VPS8: variants seen among roughly 807,000 people sequenced by gnomAD.
VPS8 encodes the protein VPS8 subunit of CORVET complex, also known as vacuolar protein sorting-associated protein 8 homolog.
A neutral mutation model predicts 216.4 loss-of-function variants in VPS8; 129 were observed. The ratio of observed to expected loss-of-function variants is 0.60; its 90% CI spans 0.52 to 0.69. The LOEUF (loss-of-function observed/expected upper bound fraction) is 0.69. VPS8 is among the 30% of genes least tolerant of loss of function. The pLI, the probability that VPS8 is intolerant of heterozygous loss-of-function variation, is 0.00. For missense variants in VPS8, 1,531 were observed against 1,683.5 expected, an observed-to-expected ratio of 0.91 and a Z score of 1.59; for synonymous variants, 571 against 565.4, an observed-to-expected ratio of 1.01 and a Z score of -0.14.
At chr3:184,942,738 T>G (rs550070387) in intron 36 of VPS8, among the ~76,000 whole-genome samples, 2 of 152,222 alleles carry the variant, frequency 1.3e-5, no homozygotes, top group African/African-American at 4.8e-5. Flanking sequence ...TAGATTATGC[T>G]CTAAACTTAT....
At chr3:184,941,048 C>T (rs1742591662) in intron 36 of VPS8, among the ~76,000 whole-genome samples, 1 of 152,160 alleles carries the variant, frequency 6.6e-6, no homozygotes, top group Admixed American at 6.5e-5. Context: ...GTGTAATTTT[C>T]CAAGATGACA....
chr3:185,032,393 A>G (rs1157814853), intron 46 of VPS8, among the ~76,000 whole-genome samples: 1 of 152,184 alleles, frequency 6.6e-6, no homozygotes, highest in Non-Finnish European at 1.5e-5. Flanking sequence ...TCACACAGAA[A>G]GGAAATTTAT....
intron 36 of VPS8, among the ~76,000 whole-genome samples, chr3:184,947,126 G>A (rs180986403): frequency 1.3e-5 from 2 of 152,278 alleles, no homozygotes; most frequent in South Asian, 2.1e-4. Context: ...CCCAGATTCC[G>A]CTGGTACCTG....
chr3:184,825,191 CT>C (rs536900315), intron 2 of VPS8: 77 of 196,276 alleles, frequency 3.9e-4, no homozygotes, highest in African/African-American at 1.7e-3. Context: ...GATAACATTA[CT>C]CTTCATTTGT....
intron 16 of VPS8, among the ~76,000 whole-genome samples, chr3:184,865,848 C>G (rs1380343817): frequency 6.6e-6 from 1 of 152,010 alleles, no homozygotes; most frequent in Non-Finnish European, 1.5e-5. Context: ...ATTAGCTAGA[C>G]TTGGTGCTAG....
chr3:184,828,981 T>C (rs1290210766), intron 3 of VPS8, among the ~76,000 whole-genome samples: 1 of 152,246 alleles, frequency 6.6e-6, no homozygotes, highest in African/African-American at 2.4e-5. Flanking sequence ...AATGGAATTA[T>C]ATAGTGTGTA....
At chr3:185,008,144 TTATAAA>T (rs1033202508) in intron 45 of VPS8, among the ~76,000 whole-genome samples, 4 of 152,154 alleles carry the variant, frequency 2.6e-5, no homozygotes, top group African/African-American at 9.7e-5. Context: ...AACATTAAAC[TTATAAA>T]TTAAATGAAG....
chr3:184,848,718 G>A (rs1723657879), intron 8 of VPS8, among the ~76,000 whole-genome samples: 1 of 151,846 alleles, frequency 6.6e-6, no homozygotes, highest in Admixed American at 6.6e-5. Flanking sequence ...ACAGGCGTGG[G>A]CCACCATGCC....
chr3:185,048,721 C>T (rs1348392369), intron 47 of VPS8, among the ~76,000 whole-genome samples, 162 bp downstream of exon 47: 1 of 152,170 alleles, frequency 6.6e-6, no homozygotes, highest in African/African-American at 2.4e-5. Context: ...CCCCAAGGAG[C>T]ACTCAGAGCT....
chr3:184,924,799 A>T lies in VPS8; in HGVS notation c.2455-63A>T, dbSNP rs75182677. 2.6e-5 allele frequency: 33 copies of T among 1,263,800 alleles called. No homozygotes were observed. The highest frequency in any genetic ancestry group is 6.3e-5 in the South Asian group (4 of 63,794). The allele number at this position is 1,263,800 out of a possible 1,614,324, so 78.3% of individuals were successfully genotyped here. On this transcript the variant is annotated intron_variant, in intron 29 of 47. Coordinates refer to ENST00000625842, the MANE Select transcript of VPS8 (RefSeq NM_001009921.3). Reference sequence around the variant, plus strand: ...TGAGGCTATCCCGTCTTCTAATTGTATTTTTTTTTTTTTGCATCAAACCAA... The same window carrying T: ...TGAGGCTATCCCGTCTTCTAATTGTTTTTTTTTTTTTTTGCATCAAACCAA...
intron 1 of VPS8, among the ~76,000 whole-genome samples, chr3:184,822,405 T>C (rs6777268): frequency 3.7e-4 from 57 of 152,360 alleles, no homozygotes; most frequent in African/African-American, 1.4e-3. Context: ...TCACAGATGC[T>C]GAATTGTTAC....
intron 28 of VPS8, among the ~76,000 whole-genome samples, chr3:184,918,315 C>G (rs1737975447): frequency 6.6e-6 from 1 of 152,178 alleles, no homozygotes; most frequent in African/African-American, 2.4e-5. Flanking sequence ...TTTTGAAGTA[C>G]TACAAAAATA....
intron 46 of VPS8, among the ~76,000 whole-genome samples, chr3:185,039,966 G>C (rs948711513): frequency 2.0e-5 from 3 of 152,098 alleles, no homozygotes; most frequent in Non-Finnish European, 4.4e-5. Flanking sequence ...TCTGTTAGTC[G>C]TAGATTGTTT....
intron 2 of VPS8, 79 bp downstream of exon 2, chr3:184,824,864 A>G (rs1227827975): frequency 1.4e-6 from 2 of 1,390,134 alleles, no homozygotes; most frequent in South Asian, 1.3e-5. Flanking sequence ...AGAGACTCTA[A>G]GTCTGTCATT....
intron 5 of VPS8, 103 bp downstream of exon 5, chr3:184,834,845 T>A: frequency 1.2e-6 from 1 of 839,232 alleles, no homozygotes; most frequent in African/African-American, 1.7e-5. Context: ...GCCCGAGGCT[T>A]AAGAAAAATA....
At chr3:184,894,035 T>G (rs1011201390) in intron 22 of VPS8, among the ~76,000 whole-genome samples, 4 of 152,226 alleles carry the variant, frequency 2.6e-5, no homozygotes, top group African/African-American at 7.2e-5. Flanking sequence ...TCGAGGTTGT[T>G]GACATTTAAA....
In VPS8 at chr3:184,915,436, C is replaced by T; in HGVS notation, c.2344C>T (p.His782Tyr). Residue 782 changes from histidine (H) to tyrosine (Y), a missense_variant, in exon 28 of 48, where the codon CAT (histidine) becomes TAT (tyrosine). Physicochemically the swap from His to Tyr is moderately conservative, Grantham distance 83. Transcript: ENST00000625842. ...CTATCCTTACATTCGGACTTTGCTA[C>T]ATTTTGACACAAGAGAATTTCTAAA... is the stretch of plus-strand genomic sequence containing the variant. ...EIYPYIRTLL[H>Y]FDTREFLNVL... The T allele has an allele frequency of 6.2e-7, 1 of 1,613,808 alleles. No homozygotes were observed. The highest frequency in any genetic ancestry group is 1.1e-5 in the South Asian group (1 of 91,076).
At position 184,862,957 on chromosome 3, in the gene VPS8, C is replaced by T. The variant is rs999985225; in HGVS notation, c.1285C>T (p.Arg429Trp). The T allele has an allele frequency of 1.2e-5, 19 of 1,613,722 alleles. No individual in the cohort carries two copies. The highest frequency in any genetic ancestry group is 8.9e-5 in the East Asian group (4 of 44,882). ...CGTAGAGAAGTTGCATGTGATTGAT[C>T]GGCAAACACAAGAGGAATTGGAGAC... Reference protein sequence around the residue: ...DSVEKLHVIDRQTQEELETVE... With the variant: ...DSVEKLHVIDWQTQEELETVE... Residue 429 changes from arginine to tryptophan, a missense_variant, in exon 16 of 48, where the codon CGG becomes TGG. Transcript: ENST00000625842.
chr3:184,971,687 A>G lies in VPS8; in HGVS notation c.3355A>G (p.Thr1119Ala), dbSNP rs765292750. 6.2e-7 allele frequency: 1 copy of G among 1,613,566 alleles called. No homozygotes were observed. The highest frequency in any genetic ancestry group is 8.5e-7 in the Non-Finnish European group (1 of 1,179,644). ...EDPSLKDVED[T>A]MVETIALCQR... Reference sequence around the variant, plus strand: ...TCCCTCATTGAAGGATGTTGAAGATACTATGGTGGAGACCATTGCTCTTTG... The same window carrying G: ...TCCCTCATTGAAGGATGTTGAAGATGCTATGGTGGAGACCATTGCTCTTTG... The change falls in exon 40 of 48, where the codon ACT (threonine) becomes GCT (alanine). Residue 1119 changes from threonine (T) to alanine (A), a missense_variant. Physicochemically the swap from Thr to Ala is moderately conservative, Grantham distance 58 (BLOSUM62 0). Around this residue, in one of 3 missense-constraint regions of VPS8, gnomAD observed 1,318 missense variants for 1,468.4 expected, o/e 0.90. Transcript: ENST00000625842.
Sources: allele counts gnomAD v4.1 joint callset (sites outside exome capture counted in the v4.1 genomes callset), GRCh38; gene constraint gnomAD v4.1.1; regional missense constraint gnomAD v4.1.1; transcripts MANE v1.5; gene names NCBI Gene and HGNC (gene_info 2026-07-23, HGNC 2026-07-21).